The following PLEKHD1 variants were observed in gnomAD, a reference collection of about 807,000 sequenced individuals.
The protein encoded by PLEKHD1 is pleckstrin homology domain-containing family D member 1.
In PLEKHD1, 51 loss-of-function variants were observed where a neutral mutation model predicts 69.2. The ratio of observed to expected loss-of-function variants is 0.74; its 90% CI spans 0.59 to 0.93. The LOEUF (loss-of-function observed/expected upper bound fraction) is 0.93, where lower values mean the gene tolerates loss of function less well. PLEKHD1 is among the 40% of genes least tolerant of loss of function. The pLI is 0.00. For missense variants in PLEKHD1, 584 were observed against 641.0 expected (o/e 0.91, Z 0.96); for synonymous variants, 236 against 244.7 (o/e 0.96, Z 0.33).
chr14:69,471,088 GC>G, the PLEKHD1 span, among the ~76,000 whole-genome samples: 2 of 126,396 alleles, frequency 1.6e-5, no homozygotes, highest in Admixed American at 8.7e-5. Flanking sequence ...ACCGTGCCTG[GC>G]CTTTTTTTTT....
chr14:69,516,723 G>T (rs1465254629), intron 6 of PLEKHD1, among the ~76,000 whole-genome samples: 2 of 152,070 alleles, frequency 1.3e-5, no homozygotes, highest in Non-Finnish European at 2.9e-5. Context: ...AGGCTGGAGT[G>T]CAATGACACG....
the PLEKHD1 span, among the ~76,000 whole-genome samples, chr14:69,477,097 T>G: frequency 1.3e-5 from 2 of 152,066 alleles, no homozygotes; most frequent in African/African-American, 4.8e-5. Context: ...CTGCAACCTC[T>G]GCCTCCCAGG....
Position 69,528,491 on chromosome 14 carries a change from C to T in PLEKHD1, c.*72C>T. 2.0e-6 allele frequency: 3 copies of T among 1,488,720 alleles called. No homozygotes were observed. The highest frequency in any genetic ancestry group is 2.7e-6 in the Non-Finnish European group (3 of 1,113,808). 92.2% of individuals were successfully genotyped at this position (1,488,720 alleles called of 1,614,324 possible). A position where few individuals can be genotyped will look rare whatever the true frequency, so the allele number is the denominator to read the frequency against. ...GAGGGGAAGGGGTGGCAGAGGGAGG[C>T]CTCACTCTACCAGCTCCTGGCCTCT... On this transcript the variant is annotated 3_prime_UTR_variant, in exon 13 of 13. Transcript: ENST00000322564.
chr14:69,526,850 G>T (rs530431006), intron 10 of PLEKHD1, 21 bp downstream of exon 10: 3 of 1,514,146 alleles, frequency 2.0e-6, no homozygotes, highest in African/African-American at 2.8e-5. Flanking sequence ...GCCTGCTGGT[G>T]CCAGGGCCCT....
At chr14:69,523,556 T>A (rs991603743) in intron 7 of PLEKHD1, among the ~76,000 whole-genome samples, 2 of 152,174 alleles carry the variant, frequency 1.3e-5, no homozygotes, top group African/African-American at 4.8e-5. Context: ...AGTGGACGTA[T>A]GATCTGGTTG....
chr14:69,494,298 A>G (rs975377172), intron 1 of PLEKHD1, among the ~76,000 whole-genome samples: 3 of 152,124 alleles, frequency 2.0e-5, no homozygotes, highest in Non-Finnish European at 2.9e-5. Flanking sequence ...CCCCAGTCAC[A>G]TTGCCAGTCA....
chr14:69,480,422 G>T (rs1228066027), upstream of PLEKHD1, among the ~76,000 whole-genome samples: 1 of 152,242 alleles, frequency 6.6e-6, no homozygotes, highest in Non-Finnish European at 1.5e-5. Flanking sequence ...CTGGAAACAA[G>T]TAGACACGAC....
At chr14:69,482,937 A>G (rs2056810829), upstream of PLEKHD1, among the ~76,000 whole-genome samples, 1 of 151,848 alleles carries the variant, frequency 6.6e-6, no homozygotes, top group African/African-American at 2.4e-5. Context: ...GAAAGAAAAA[A>G]GAAAGAAAAG....
At chr14:69,501,399 G>A (rs112758769) in intron 4 of PLEKHD1, 81 of 319,328 alleles carry the variant, frequency 2.5e-4, no homozygotes, top group Non-Finnish European at 4.2e-4. Flanking sequence ...CACCGACCGT[G>A]TGCTCTGTGG....
intron 1 of PLEKHD1, among the ~76,000 whole-genome samples, chr14:69,487,182 AACACACACACACACACAC>A (rs199671230): frequency 1.8e-4 from 25 of 140,454 alleles, no homozygotes; most frequent in Non-Finnish European, 2.9e-4. Flanking sequence ...GGGAATACAC[AACACACACACACACACAC>A]ACACACACAC....
At chr14:69,516,438 A>G (rs904755993) in intron 6 of PLEKHD1, among the ~76,000 whole-genome samples, 1 of 152,078 alleles carries the variant, frequency 6.6e-6, no homozygotes, top group African/African-American at 2.4e-5. Context: ...TTGGATATTC[A>G]GTTTTATGGA....
chr14:69,514,278 CTT>C (rs1484634959), intron 6 of PLEKHD1, among the ~76,000 whole-genome samples: 3 of 148,368 alleles, frequency 2.0e-5, no homozygotes, highest in Non-Finnish European at 4.5e-5. Flanking sequence ...CCTTTTTTCT[CTT>C]TGCTTTTCAG....
Position 69,529,999 on chromosome 14 carries a change from C to G in PLEKHD1, c.*1580C>G, listed in dbSNP as rs990515518. The stretch of plus-strand genomic sequence containing the variant: ...TCCAGAAAAGGGGTCCACCTGGGAT[C>G]AGGGTGCTCTTGGACACTGTTGACA... On this transcript the variant is annotated 3_prime_UTR_variant, in exon 13 of 13. Transcript: ENST00000322564. 6.6e-6 allele frequency: 1 copy of G among 152,294 alleles called. No homozygotes were observed. The highest frequency in any genetic ancestry group is 1.5e-5 in the Non-Finnish European group (1 of 68,104). The allele number at this position is 152,294 out of a possible 1,614,324, so 9.4% of individuals were successfully genotyped here.
At chr14:69,467,855 T>C in the PLEKHD1 span, among the ~76,000 whole-genome samples, 1 of 152,224 alleles carries the variant, frequency 6.6e-6, no homozygotes, top group Non-Finnish European at 1.5e-5. Context: ...TCTCAACTAT[T>C]TGTGAACAGG....
In PLEKHD1 at chr14:69,528,320, C is replaced by T. The variant is rs1175661706; in HGVS notation, c.1422C>T (p.Ala474=). 1.9e-6 allele frequency: 3 copies of T among 1,551,610 alleles called. No individual in the cohort carries two copies. Among genetic ancestry groups the T allele is most frequent in the African/African-American group, 2.7e-5 (2 of 73,046 alleles). ...ANNMEELKEV[A]KRLSRDQRFR... is the part of the protein sequence containing the mutation. ...ACATGGAGGAGCTAAAGGAGGTGGC[C>T]AAGCGGCTCAGCAGGGACCAGCGCT... is the stretch of plus-strand genomic sequence containing the variant. Residue 474 remains alanine, a synonymous_variant, in exon 13 of 13, where the codon GCC becomes GCT. Transcript: ENST00000322564.
At chr14:69,516,632 T>C (rs1883390043) in intron 6 of PLEKHD1, among the ~76,000 whole-genome samples, 2 of 152,190 alleles carry the variant, frequency 1.3e-5, no homozygotes, top group Non-Finnish European at 2.9e-5. Context: ...ATGAAGGTTT[T>C]GAGCAGGGAG....
intron 1 of PLEKHD1, among the ~76,000 whole-genome samples, chr14:69,485,546 G>A (rs1232604639): frequency 6.8e-6 from 1 of 147,230 alleles, no homozygotes; most frequent in Admixed American, 6.8e-5. Flanking sequence ...GGGCCTGAGT[G>A]TCTCCCTCCC....
chr14:69,482,903 A>G (rs866478173), upstream of PLEKHD1, among the ~76,000 whole-genome samples: 2 of 130,562 alleles, frequency 1.5e-5, no homozygotes, highest in African/African-American at 2.7e-5. Flanking sequence ...TAAAAAAAAA[A>G]AAAGAAAGAA....
At chr14:69,468,640 A>G in the PLEKHD1 span, among the ~76,000 whole-genome samples, 8 of 151,604 alleles carry the variant, frequency 5.3e-5, no homozygotes, top group East Asian at 1.5e-3. Flanking sequence ...TGGTGCAATC[A>G]TAAGCCCATA....
Sources: allele counts gnomAD v4.1 joint callset (sites outside exome capture counted in the v4.1 genomes callset), GRCh38; gene constraint gnomAD v4.1.1; transcripts MANE v1.5; gene names NCBI Gene and HGNC (gene_info 2026-07-23, HGNC 2026-07-21).